The following FAM118B variants were observed in gnomAD, a reference collection of about 807,000 sequenced individuals.
FAM118B encodes SIR2 antiphage like 1, also known as protein FAM118B.
In FAM118B, 24 loss-of-function variants were observed where a neutral mutation model predicts 38.5. That is an observed-to-expected ratio of 0.62 (90% CI 0.45 to 0.88). The LOEUF (loss-of-function observed/expected upper bound fraction) is 0.88. Among genes scored for constraint, FAM118B ranks in the 40% least tolerant of loss-of-function variants. The probability of loss-of-function intolerance (pLI) is 0.00; values close to 1 mark genes in which losing one functional copy is unlikely to be tolerated. For synonymous variants in FAM118B, 138 were observed against 156.3 expected, an observed-to-expected ratio of 0.88 and a Z score of 0.87; for missense variants, 334 against 420.0, an observed-to-expected ratio of 0.80 and a Z score of 1.79.
At chr11:126,257,605 A>ATTTT (rs5795488) in intron 7 of FAM118B, among the ~76,000 whole-genome samples, 1 of 140,964 alleles carries the variant, frequency 7.1e-6, no homozygotes, top group African/African-American at 2.6e-5. Context: ...AGAATTGTAC[A>ATTTT]TTTTTTTTTT....
chr11:126,215,673 G>A (rs976301793), intron 1 of FAM118B, among the ~76,000 whole-genome samples: 25 of 147,240 alleles, frequency 1.7e-4, no homozygotes, highest in African/African-American at 6.0e-4. Context: ...TTCCAGCCTG[G>A]GTGAAAGTAT....
Position 126,262,101 on chromosome 11 carries a change from C to T in FAM118B, c.1043-19C>T, listed in dbSNP as rs367937630. On this transcript the variant is annotated intron_variant, in intron 8 of 8. Coordinates refer to ENST00000533050, the MANE Select transcript of FAM118B (RefSeq NM_024556.4). ...GTTTTGTGAAACTTCATTTTGTTCT[C>T]TTTTCTTTCTCCCTACAGGCTGTAG... The T allele has an allele frequency of 1.5e-4, 238 of 1,613,796 alleles. No homozygotes were observed. Among genetic ancestry groups the T allele is most frequent in the Non-Finnish European group, 1.9e-4 (226 of 1,179,912 alleles).
chr11:126,230,614 T>C (rs1950196292), intron 2 of FAM118B, among the ~76,000 whole-genome samples: 1 of 152,218 alleles, frequency 6.6e-6, no homozygotes, highest in Non-Finnish European at 1.5e-5. Context: ...CAGGCAAAAA[T>C]ACTTTTTAAA....
intron 1 of FAM118B, among the ~76,000 whole-genome samples, chr11:126,227,351 C>T (rs980492908): frequency 1.3e-5 from 2 of 152,024 alleles, no homozygotes; most frequent in African/African-American, 2.4e-5. Flanking sequence ...CGTGAGCCAC[C>T]GTGCCCAGCC....
rs188441745 is a variant in FAM118B at position 126,215,131 on chromosome 11, C to T, written c.-77+3301C>T. Among the ~76,000 whole-genome samples the T allele has an allele frequency of 3.2e-4, 49 of 152,270 alleles. No homozygotes were observed. In the East Asian group the frequency reaches 5.0e-3, roughly 16 times the overall value. On this transcript the variant is annotated intron_variant, in intron 1 of 8. Transcript: ENST00000533050. ...GATGTGGGACTAGTTCCAGTTCAGC[C>T]GCTGCGTACTTGAACAAATAATTTG...
chr11:126,214,514 G>A (rs7483411), intron 1 of FAM118B: 1 of 41,500 alleles, frequency 2.4e-5, no homozygotes, highest in African/African-American at 5.8e-5. Flanking sequence ...TTTTTTTTTT[G>A]TTTTTTTTTT....
At chr11:126,233,898 A>G (rs543821925) in intron 2 of FAM118B, among the ~76,000 whole-genome samples, 3 of 152,294 alleles carry the variant, frequency 2.0e-5, no homozygotes, top group South Asian at 2.1e-4. Flanking sequence ...GCTGGGCAAC[A>G]TGGCAAAACC....
At position 126,235,103 on chromosome 11, in the gene FAM118B, G is replaced by A; in HGVS notation, c.86+16G>A. The A allele has an allele frequency of 1.2e-6, 2 of 1,609,868 alleles. No individual in the cohort carries two copies. Among genetic ancestry groups the A allele is most frequent in the Non-Finnish European group, 1.7e-6 (2 of 1,176,426 alleles). On this transcript the variant is annotated intron_variant, in intron 3 of 8. Coordinates refer to ENST00000533050, the MANE Select transcript of FAM118B (RefSeq NM_024556.4). ...AAAAGCCCAGGTAAACAAGAGAAGG[G>A]AATCAGCAGAGTAAATTACCATTAG...
At chr11:126,224,210 C>T (rs1432237841) in intron 1 of FAM118B, among the ~76,000 whole-genome samples, 7 of 152,098 alleles carry the variant, frequency 4.6e-5, no homozygotes, top group Admixed American at 3.3e-4. Context: ...CAGTGACTCT[C>T]GCCTTTAATC....
At chr11:126,213,079 A>G (rs1949911792) in intron 1 of FAM118B, among the ~76,000 whole-genome samples, 2 of 152,128 alleles carry the variant, frequency 1.3e-5, no homozygotes, top group African/African-American at 4.8e-5. Context: ...TGAGTTATGC[A>G]GGTCAAGGCG....
chr11:126,250,522 G>A lies in FAM118B; in HGVS notation c.356G>A (p.Arg119Gln), dbSNP rs374700370. ...QKLSPRTSNVRSTFFKDCLYE... is the reference protein window; with the variant it reads ...QKLSPRTSNVQSTFFKDCLYE... ...CCTCCTCAGCGTACCAGTAATGTTCGATCCACATTTTTCAAGGACTGTTTA... is the reference window on the plus strand; with the variant it reads ...CCTCCTCAGCGTACCAGTAATGTTCAATCCACATTTTTCAAGGACTGTTTA... Residue 119 changes from arginine to glutamine, a missense_variant, in exon 5 of 9, where the codon CGA becomes CAA. Around this residue, in one of 3 missense-constraint regions of FAM118B, gnomAD observed 240 missense variants for 295.9 expected, o/e 0.81. Transcript: ENST00000533050. The surrounding 1 kb of genome is among the most constrained non-coding windows in gnomAD (Gnocchi z 5.1). 43 of 1,613,072 alleles carry A rather than the reference G, an allele frequency of 2.7e-5. No individual in the cohort carries two copies. The highest frequency in any genetic ancestry group is 3.6e-5 in the Non-Finnish European group (42 of 1,179,292).
In FAM118B at chr11:126,256,066, T is replaced by G. The variant is rs1322694079; in HGVS notation, c.697-501T>G. On this transcript the variant is annotated intron_variant, in intron 6 of 8. Coordinates refer to ENST00000533050, the MANE Select transcript of FAM118B (RefSeq NM_024556.4). This position sits in a 1 kb window ranked among gnomAD's most constrained non-coding sequence, Gnocchi z 6.6. Reference sequence around the variant, plus strand: ...TGGGTGGATCACTCGAGGTCGGGAGTACCAGACCAGCCTGGCCAACATGGC... The same window carrying G: ...TGGGTGGATCACTCGAGGTCGGGAGGACCAGACCAGCCTGGCCAACATGGC... Among the ~76,000 whole-genome samples the G allele has an allele frequency of 6.6e-6, 1 of 151,968 alleles. No individual in the cohort carries two copies. Among genetic ancestry groups the G allele is most frequent in the African/African-American group, 2.4e-5 (1 of 41,354 alleles).
In FAM118B at chr11:126,261,453, T is replaced by C; in HGVS notation, c.1011T>C (p.Asn337=). The C allele has an allele frequency of 1.2e-6, 2 of 1,614,048 alleles. No homozygotes were observed. Among genetic ancestry groups the C allele is most frequent in the Non-Finnish European group, 1.7e-6 (2 of 1,179,896 alleles). Residue 337 remains asparagine (N), a synonymous_variant, in exon 8 of 9, where the codon AAT becomes AAC. Coordinates refer to ENST00000533050, the MANE Select transcript of FAM118B (RefSeq NM_024556.4). The stretch of plus-strand genomic sequence containing the variant: ...GGATGGTGAGAGAAGGTCAGCTAAA[T>C]GGCTCATCTGCAGCACACAGTGAAA... ...SAGMVREGQL[N]GSSAAHSEIR...
intron 1 of FAM118B, among the ~76,000 whole-genome samples, chr11:126,223,916 A>C (rs1446870526): frequency 2.0e-5 from 3 of 152,238 alleles, no homozygotes; most frequent in East Asian, 3.8e-4. Flanking sequence ...CATATCCAAA[A>C]AATGATAGTC....
Position 126,213,347 on chromosome 11 carries a change from A to G in FAM118B, c.-77+1517A>G, listed in dbSNP as rs539517547. Among the ~76,000 whole-genome samples, 10 of 152,320 alleles carry G rather than the reference A, an allele frequency of 6.6e-5. 1 individual carries two copies. In the South Asian group the frequency reaches 2.1e-3, roughly 32 times the overall value. On this transcript the variant is annotated intron_variant, in intron 1 of 8. Transcript: ENST00000533050. Reference sequence around the variant, plus strand: ...CGTTTCTCTTATAAGGCAGGTGTAAATGCAGATCCAGATACAAATGCAAAG... The same window carrying G: ...CGTTTCTCTTATAAGGCAGGTGTAAGTGCAGATCCAGATACAAATGCAAAG...
intron 1 of FAM118B, among the ~76,000 whole-genome samples, chr11:126,222,373 T>C (rs979610516): frequency 1.3e-5 from 2 of 152,364 alleles, no homozygotes; most frequent in East Asian, 3.9e-4. Flanking sequence ...TAACCTGTGA[T>C]GAATTCAGTT....
intron 1 of FAM118B, among the ~76,000 whole-genome samples, chr11:126,212,339 A>C: frequency 6.7e-6 from 1 of 150,282 alleles, no homozygotes; most frequent in South Asian, 2.1e-4. Flanking sequence ...TACCTTCCCT[A>C]CTCCTCCTAA....
chr11:126,213,585 G>C (rs1365506724), intron 1 of FAM118B, among the ~76,000 whole-genome samples: 1 of 152,160 alleles, frequency 6.6e-6, no homozygotes, highest in African/African-American at 2.4e-5. Context: ...CTGAAGTTTT[G>C]ACATCGGGAC....
intron 3 of FAM118B, among the ~76,000 whole-genome samples, chr11:126,237,215 CTTTTTT>C (rs34631802): frequency 7.0e-4 from 30 of 43,100 alleles, no homozygotes; most frequent in Non-Finnish European, 1.2e-3. Context: ...CGCGCCTGGC[CTTTTTT>C]TTTTTTTTTT....
Sources: allele counts gnomAD v4.1 joint callset (sites outside exome capture counted in the v4.1 genomes callset), GRCh38; gene constraint gnomAD v4.1.1; regional missense constraint gnomAD v4.1.1; non-coding constraint Gnocchi (gnomAD v3.1); transcripts MANE v1.5; gene names NCBI Gene and HGNC (gene_info 2026-07-23, HGNC 2026-07-21).